Variants in OR10J1 observed in about 807,000 individuals in gnomAD.
The protein encoded by OR10J1 is olfactory receptor 10J1.
For missense variants in OR10J1, 474 were observed against 376.6 expected (o/e 1.26, Z -2.14); for synonymous variants, 202 against 143.8 (o/e 1.40, Z -2.89).
At chr1:159,412,243 G>A in the OR10J1 span, among the ~76,000 whole-genome samples, 80 of 151,828 alleles carry the variant, frequency 5.3e-4, no homozygotes, top group African/African-American at 1.8e-3. Context: ...AATCAATATC[G>A]TGAAAAAGGC....
At chr1:159,397,622 C>T in the OR10J1 span, among the ~76,000 whole-genome samples, 3 of 152,010 alleles carry the variant, frequency 2.0e-5, no homozygotes, top group Non-Finnish European at 4.4e-5. Context: ...CAGTACTCCT[C>T]ATGGCCATGG....
chr1:159,440,209 C>T lies in OR10J1; in HGVS notation c.418C>T (p.Leu140=), dbSNP rs760244315. ...LRYMVIMNKR[L]RIQLVLGACS... ...ATACATGGTTATTATGAACAAGAGGCTGCGTATCCAACTTGTCCTGGGGGC... is the reference window on the plus strand; with the variant it reads ...ATACATGGTTATTATGAACAAGAGGTTGCGTATCCAACTTGTCCTGGGGGC... The change falls in exon 1 of 1, where the codon CTG becomes TTG. Residue 140 remains leucine (L), a synonymous_variant. Coordinates refer to ENST00000423932, the MANE Select transcript of OR10J1 (RefSeq NM_012351.3). 5 of 1,614,166 alleles carry T rather than the reference C, an allele frequency of 3.1e-6. No individual in the cohort carries two copies. The highest frequency in any genetic ancestry group is 1.7e-5 in the Admixed American group (1 of 60,020).
At chr1:159,430,674 C>T in the OR10J1 span, among the ~76,000 whole-genome samples, 4 of 30,838 alleles carry the variant, frequency 1.3e-4, no homozygotes, top group South Asian at 5.4e-3. Context: ...TGTGTGCGCG[C>T]GCGCACATGT....
chr1:159,399,591 A>AAAAG, the OR10J1 span, among the ~76,000 whole-genome samples: 1 of 150,658 alleles, frequency 6.6e-6, no homozygotes, highest in Non-Finnish European at 1.5e-5. Context: ...AAAAAAAAAA[A>AAAAG]AAAGAAAGAA....
At chr1:159,409,888 T>C in the OR10J1 span, among the ~76,000 whole-genome samples, 1 of 152,136 alleles carries the variant, frequency 6.6e-6, no homozygotes, top group Non-Finnish European at 1.5e-5. Flanking sequence ...ACCTAATTTA[T>C]TGAGAGTTTT....
chr1:159,422,413 A>G, the OR10J1 span, among the ~76,000 whole-genome samples: 106 of 152,262 alleles, frequency 7.0e-4, 1 homozygote, highest in East Asian at 0.019. Context: ...TCAACCTTGC[A>G]CCAGCCTGCA....
the OR10J1 span, among the ~76,000 whole-genome samples, chr1:159,413,346 C>A: frequency 5.9e-5 from 9 of 151,882 alleles, no homozygotes; most frequent in South Asian, 1.7e-3. Context: ...TGGGTATATA[C>A]CCAAAGGACT....
chr1:159,410,138 A>G, the OR10J1 span, among the ~76,000 whole-genome samples: 1 of 152,060 alleles, frequency 6.6e-6, no homozygotes, highest in African/African-American at 2.4e-5. Flanking sequence ...ATGTTCATCA[A>G]GGATATTGGT....
the OR10J1 span, among the ~76,000 whole-genome samples, chr1:159,427,463 A>C: frequency 6.6e-6 from 1 of 151,994 alleles, no homozygotes; most frequent in Non-Finnish European, 1.5e-5. Context: ...AGTAGGATAC[A>C]AGGACAGATA....
upstream of OR10J1, among the ~76,000 whole-genome samples, chr1:159,438,249 A>T (rs962463582): frequency 3.9e-5 from 6 of 152,198 alleles, no homozygotes; most frequent in African/African-American, 1.4e-4. Context: ...CTTCTACCTC[A>T]AGACAGACAA....
chr1:159,440,400 G>T lies in OR10J1; in HGVS notation c.609G>T (p.Val203=), dbSNP rs545669901. 8.7e-6 allele frequency: 14 copies of T among 1,614,158 alleles called. 1 individual carries two copies. In the South Asian group the frequency reaches 1.5e-4, roughly 18 times the overall value. The part of the protein sequence containing the change: ...VNEILTLIIS[V]LVLVVPMGLV... ...AAATCCTGACTTTGATTATCAGTGT[G>T]CTGGTGCTTGTTGTACCTATGGGTC... Residue 203 remains valine, a synonymous_variant, in exon 1 of 1, where the codon GTG becomes GTT. Coordinates refer to ENST00000423932, the MANE Select transcript of OR10J1 (RefSeq NM_012351.3).
At chr1:159,399,152 GA>G in the OR10J1 span, among the ~76,000 whole-genome samples, 33 of 145,084 alleles carry the variant, frequency 2.3e-4, no homozygotes, top group South Asian at 4.4e-4. Context: ...AAATGTTGAA[GA>G]AAAAAAAAAC....
At chr1:159,407,111 CAG>C in the OR10J1 span, among the ~76,000 whole-genome samples, 1 of 152,096 alleles carries the variant, frequency 6.6e-6, no homozygotes, top group Admixed American at 6.6e-5. Context: ...TGAAAAAATG[CAG>C]AGTCAAAAGT....
Position 159,440,073 on chromosome 1 carries a change from G to A in OR10J1, c.282G>A (p.Leu94=), listed in dbSNP as rs1655881387. Residue 94 remains leucine (L), a synonymous_variant, in exon 1 of 1, where the codon TTG becomes TTA. Transcript: ENST00000423932. ...SLVGMSQPIS[L]AGCATQMFFF... ...TAGGTATGAGCCAGCCCATATCATT[G>A]GCAGGGTGTGCCACACAGATGTTCT... 2 of 1,613,946 alleles carry A rather than the reference G, an allele frequency of 1.2e-6. No individual in the cohort carries two copies. The highest frequency in any genetic ancestry group is 1.7e-6 in the Non-Finnish European group (2 of 1,180,024).
At chr1:159,407,032 A>G in the OR10J1 span, among the ~76,000 whole-genome samples, 1 of 152,122 alleles carries the variant, frequency 6.6e-6, no homozygotes, top group African/African-American at 2.4e-5. Flanking sequence ...AGTTGTTACC[A>G]TAACAAACAT....
the OR10J1 span, among the ~76,000 whole-genome samples, chr1:159,401,521 G>T: frequency 0.022 from 3,267 of 151,850 alleles, 45 homozygotes; most frequent in Middle Eastern, 0.044. Context: ...CAAATACTTA[G>T]GTAGATACAA....
chr1:159,398,020 C>T, the OR10J1 span, among the ~76,000 whole-genome samples: 1 of 152,208 alleles, frequency 6.6e-6, no homozygotes, highest in Non-Finnish European at 1.5e-5. Context: ...TGTGTCACTA[C>T]ACCCCCAGCT....
Position 159,440,916 on chromosome 1 carries a change from G to C in OR10J1, c.*195G>C. On this transcript the variant is annotated 3_prime_UTR_variant, in exon 1 of 1. Transcript: ENST00000423932. ...ATGGAGTGTTATCCCTATTTTTGGG[G>C]ATAAATAGACAAACAAGGATAAGAT... 1.8e-6 allele frequency: 1 copy of C among 546,752 alleles called. No individual in the cohort carries two copies. The allele number at this position is 546,752 out of a possible 1,614,324, so 33.9% of individuals were successfully genotyped here. A position where few individuals can be genotyped will look rare whatever the true frequency, so the allele number is the denominator to read the frequency against.
chr1:159,407,566 A>G, the OR10J1 span, among the ~76,000 whole-genome samples: 1 of 152,266 alleles, frequency 6.6e-6, no homozygotes, highest in Admixed American at 6.5e-5. Flanking sequence ...AAGAATTCCA[A>G]TGATGATTTT....
Sources: allele counts gnomAD v4.1 joint callset (sites outside exome capture counted in the v4.1 genomes callset), GRCh38; gene constraint gnomAD v4.1.1; transcripts MANE v1.5; gene names NCBI Gene and HGNC (gene_info 2026-07-23, HGNC 2026-07-21).